Variants in IDE observed in about 807,000 individuals in gnomAD.
IDE encodes the protein insulin-degrading enzyme.
Under a neutral mutation model 133.2 loss-of-function variants are expected in IDE, and 58 were observed. The observed-to-expected ratio is 0.44, with a 90% CI of 0.35 to 0.54. The LOEUF (loss-of-function observed/expected upper bound fraction) is 0.54. Ranked by LOEUF, IDE falls within the 20% of genes least tolerant of loss-of-function variation. The pLI is 0.00. For synonymous variants in IDE, 396 were observed against 421.3 expected (o/e 0.94, Z 0.73); for missense variants, 981 against 1,234.0 (o/e 0.79, Z 3.07).
intron 6 of IDE, 110 bp downstream of exon 6, chr10:92,509,940 C>T: frequency 3.4e-6 from 1 of 295,918 alleles, no homozygotes; most frequent in Non-Finnish European, 6.0e-6. Context: ...AAAAAAAAAA[C>T]ACAACATAAA....
chr10:92,545,860 G>C (rs534230592), intron 1 of IDE, among the ~76,000 whole-genome samples: 1 of 152,160 alleles, frequency 6.6e-6, no homozygotes, highest in Non-Finnish European at 1.5e-5. Context: ...AATTTGGTAT[G>C]GGTACAACCA....
chr10:92,530,566 C>A (rs1276969150), intron 4 of IDE, among the ~76,000 whole-genome samples: 1 of 152,182 alleles, frequency 6.6e-6, no homozygotes, highest in African/African-American at 2.4e-5. Flanking sequence ...CAGTTACAGG[C>A]ATGAGCCACC....
In IDE at chr10:92,495,893, T is replaced by C. The variant is rs1397451312; in HGVS notation, c.1431-5298A>G. On this transcript the variant is annotated intron_variant, in intron 11 of 24. Transcript: ENST00000265986. ...ACCATTTTTTAAGTGTTTTTTTTTT[T>C]TGAGACAGGGTTGCTCTATCCCCCA... Among the ~76,000 whole-genome samples, 3 of 151,916 alleles carry C rather than the reference T, an allele frequency of 2.0e-5. No individual in the cohort carries two copies. The East Asian group carries it at 5.8e-4, about 29-fold the overall frequency.
intron 4 of IDE, among the ~76,000 whole-genome samples, chr10:92,527,841 C>T (rs955617303): frequency 1.3e-5 from 2 of 152,072 alleles, no homozygotes; most frequent in African/African-American, 4.8e-5. Context: ...ATGGTGAAAC[C>T]CCATCTCTAC....
intron 22 of IDE, among the ~76,000 whole-genome samples, chr10:92,458,270 T>G (rs1845135436): frequency 6.6e-6 from 1 of 152,158 alleles, no homozygotes; most frequent in Non-Finnish European, 1.5e-5. Flanking sequence ...TAGTCAAAAT[T>G]AAATAAATGC....
intron 4 of IDE, 101 bp downstream of exon 4, chr10:92,531,647 C>T: frequency 2.2e-6 from 1 of 456,038 alleles, no homozygotes; most frequent in Non-Finnish European, 3.4e-6. Context: ...GGGTTATATA[C>T]ATAAATATAT....
intron 9 of IDE, 27 bp from the exon 10 acceptor site, chr10:92,506,549 A>ACCAAT: frequency 1.8e-6 from 2 of 1,133,584 alleles, no homozygotes; most frequent in Non-Finnish European, 2.7e-6. Context: ...ATCCAATTAG[A>ACCAAT]TACGGCCACC....
intron 1 of IDE, 64 bp downstream of exon 1, chr10:92,573,858 A>C: frequency 8.6e-7 from 1 of 1,166,254 alleles, no homozygotes; most frequent in Non-Finnish European, 1.2e-6. Context: ...ACCACTTTGC[A>C]ACCCGAGCGC....
intron 17 of IDE, among the ~76,000 whole-genome samples, chr10:92,472,510 T>C (rs1199797825): frequency 6.6e-6 from 1 of 152,228 alleles, no homozygotes; most frequent in African/African-American, 2.4e-5. Context: ...TCCTATCCAA[T>C]GCCTGAGGCA....
intron 12 of IDE, among the ~76,000 whole-genome samples, chr10:92,488,105 A>C (rs1345976181): frequency 1.3e-5 from 2 of 149,518 alleles, no homozygotes; most frequent in Non-Finnish European, 3.0e-5. Context: ...TCACTTCAGT[A>C]CTTCTTTTTT....
intron 13 of IDE, among the ~76,000 whole-genome samples, chr10:92,483,911 T>C (rs1846777091): frequency 6.6e-6 from 1 of 152,206 alleles, no homozygotes; most frequent in East Asian, 1.9e-4. Flanking sequence ...CCTGCTGCCA[T>C]GTCAAGCAAC....
intron 17 of IDE, 124 bp downstream of exon 17, chr10:92,474,717 T>G: frequency 1.2e-6 from 1 of 811,870 alleles, no homozygotes; most frequent in East Asian, 2.8e-5. Context: ...ATAAAACATA[T>G]ACACAGCCAG....
chr10:92,498,704 C>A (rs536129564), intron 11 of IDE, among the ~76,000 whole-genome samples: 1 of 152,184 alleles, frequency 6.6e-6, no homozygotes, highest in East Asian at 1.9e-4. Context: ...TGCAGTGAGC[C>A]AAGATCGTGC....
rs140501951 is a variant in IDE at position 92,497,080 on chromosome 10, G to A, written c.1431-6485C>T. On this transcript the variant is annotated intron_variant, in intron 11 of 24. Coordinates refer to ENST00000265986, the MANE Select transcript of IDE (RefSeq NM_004969.4). ...TGTCAGACATTTAGACAAGAAAACC[G>A]TCGTTATCACTAGGACTTTCATGGA... 3.2e-3 allele frequency among the ~76,000 whole-genome samples: 483 copies of A among 152,286 alleles called. 21 individuals carry two copies. In the South Asian group the frequency reaches 0.082, roughly 26 times the overall value.
intron 1 of IDE, among the ~76,000 whole-genome samples, chr10:92,548,031 G>A (rs1382550301): frequency 6.6e-6 from 1 of 152,012 alleles, no homozygotes; most frequent in Non-Finnish European, 1.5e-5. Flanking sequence ...GTGTGCCATC[G>A]TGCCCATCTT....
intron 19 of IDE, among the ~76,000 whole-genome samples, chr10:92,467,217 C>A (rs950628387): frequency 6.7e-6 from 1 of 150,298 alleles, no homozygotes; most frequent in African/African-American, 2.4e-5. Context: ...TACAGGTGTG[C>A]GCCACTATGC....
chr10:92,537,294 G>C (rs1842061649), intron 2 of IDE, 72 bp downstream of exon 2: 12 of 1,220,938 alleles, frequency 9.8e-6, no homozygotes, highest in East Asian at 2.4e-5. Context: ...AACACGTATG[G>C]AAAGTTCTAA....
chr10:92,540,252 A>G (rs995125803), intron 1 of IDE, among the ~76,000 whole-genome samples: 6 of 152,100 alleles, frequency 3.9e-5, no homozygotes, highest in African/African-American at 1.2e-4. Flanking sequence ...CTCAAAAGAA[A>G]AAAAAAAAAA....
chr10:92,466,126 G>A (rs902398548), intron 19 of IDE, among the ~76,000 whole-genome samples: 3 of 151,710 alleles, frequency 2.0e-5, no homozygotes, highest in African/African-American at 7.3e-5. Flanking sequence ...AGCTACTTGG[G>A]AGGCTGAGGC....
Sources: gnomAD v4.1 joint callset for allele counts (sites outside exome capture counted in the v4.1 genomes callset) on GRCh38, gnomAD v4.1.1 for gene constraint, MANE v1.5 for transcripts, NCBI Gene and HGNC (gene_info 2026-07-23, HGNC 2026-07-21) for gene names.